The following COL25A1 variants were observed in gnomAD, a reference collection of about 807,000 sequenced individuals.
The protein encoded by COL25A1 is collagen type XXV alpha 1 chain, also known as collagen alpha-1(XXV) chain.
In COL25A1, 103 loss-of-function variants were observed where a neutral mutation model predicts 128.4. The ratio of observed to expected loss-of-function variants is 0.80; its 90% CI spans 0.68 to 0.94. The LOEUF is 0.94. Ranked by LOEUF, COL25A1 falls within the 40% of genes least tolerant of loss-of-function variation. The pLI is 0.00. For missense variants in COL25A1, 745 were observed against 840.0 expected, an observed-to-expected ratio of 0.89 and a Z score of 1.40; for synonymous variants, 279 against 277.2, an observed-to-expected ratio of 1.01 and a Z score of -0.06.
intron 3 of COL25A1, among the ~76,000 whole-genome samples, chr4:109,248,223 A>C (rs1301488362): frequency 1.3e-5 from 2 of 152,058 alleles, no homozygotes; most frequent in African/African-American, 4.8e-5. Flanking sequence ...TTTATTCTTC[A>C]CCTAGCTTAT....
chr4:109,282,800 T>A (rs1454896938), intron 3 of COL25A1, among the ~76,000 whole-genome samples: 2 of 152,174 alleles, frequency 1.3e-5, no homozygotes, highest in Non-Finnish European at 1.5e-5. Flanking sequence ...ATATATTAAG[T>A]TTGCTGTGTT....
At chr4:109,204,849 C>T (rs1776852593) in intron 3 of COL25A1, among the ~76,000 whole-genome samples, 1 of 152,148 alleles carries the variant, frequency 6.6e-6, no homozygotes, top group South Asian at 2.1e-4. Flanking sequence ...GGAAAATTCT[C>T]AATGGGAATT....
intron 18 of COL25A1, 75 bp from the exon 19 acceptor site, chr4:108,884,297 T>C: frequency 7.4e-7 from 1 of 1,347,974 alleles, no homozygotes; most frequent in Non-Finnish European, 1.1e-6. Context: ...ACATGGCAAA[T>C]GTTCCTGGCT....
intron 10 of COL25A1, among the ~76,000 whole-genome samples, chr4:108,940,149 A>G (rs1228125552): frequency 6.6e-6 from 1 of 152,138 alleles, no homozygotes; most frequent in Non-Finnish European, 1.5e-5. Flanking sequence ...TTAGTTTTTC[A>G]GACTAATCTC....
intron 3 of COL25A1, among the ~76,000 whole-genome samples, chr4:109,198,500 T>C (rs1354373622): frequency 2.0e-5 from 3 of 152,134 alleles, no homozygotes; most frequent in African/African-American, 7.2e-5. Flanking sequence ...TCCCTTAAAT[T>C]TACTGATAAC....
intron 6 of COL25A1, among the ~76,000 whole-genome samples, chr4:109,009,680 T>C (rs1756393123): frequency 1.3e-5 from 2 of 152,236 alleles, no homozygotes; most frequent in African/African-American, 4.8e-5. Flanking sequence ...AACTGCATTT[T>C]CTTCTCTATA....
intron 3 of COL25A1, among the ~76,000 whole-genome samples, chr4:109,282,053 GC>G (rs1212834809): frequency 6.6e-6 from 1 of 152,144 alleles, no homozygotes; most frequent in Non-Finnish European, 1.5e-5. Context: ...CATGCTGCAG[GC>G]AGCAGAAAAC....
intron 18 of COL25A1, among the ~76,000 whole-genome samples, chr4:108,886,476 G>T (rs1311833816): frequency 1.8e-4 from 22 of 123,314 alleles, no homozygotes; most frequent in East Asian, 1.1e-3. Context: ...GTGTGTGTGT[G>T]TGTGTGTGTG....
intron 19 of COL25A1, among the ~76,000 whole-genome samples, chr4:108,871,040 A>T (rs1738646870): frequency 6.6e-6 from 1 of 152,234 alleles, no homozygotes; most frequent in South Asian, 2.1e-4. Context: ...AGTTTATAAA[A>T]AGATGAACCA....
rs541224378 is a variant in COL25A1, at chr4:108,831,444, C to CT, written c.1710+935dup. On this transcript the variant is annotated intron_variant, in intron 32 of 37. Coordinates refer to ENST00000399132, the MANE Select transcript of COL25A1 (RefSeq NM_198721.4). The stretch of plus-strand genomic sequence containing the variant: ...TGTTAAAGAAATGACTACTGGCCCT[C>CT]TTTTTTTAAAGCAAATTATCTCAGA... Among the ~76,000 whole-genome samples, 11 of 152,184 alleles carry CT rather than the reference C, an allele frequency of 7.2e-5. No individual in the cohort carries two copies. The South Asian group carries it at 1.9e-3, about 26-fold the overall frequency.
chr4:108,816,518 T>C (rs1355936001), intron 37 of COL25A1, among the ~76,000 whole-genome samples: 1 of 152,194 alleles, frequency 6.6e-6, no homozygotes, highest in East Asian at 1.9e-4. Context: ...GCACAGCCTT[T>C]ATAATTAGAT....
chr4:109,094,926 T>C (rs552753699), intron 3 of COL25A1, among the ~76,000 whole-genome samples: 3 of 152,342 alleles, frequency 2.0e-5, no homozygotes, highest in South Asian at 4.1e-4. Flanking sequence ...CTTAAATATA[T>C]ACTAATCATG....
At chr4:108,896,363 T>C (rs995065279) in intron 16 of COL25A1, among the ~76,000 whole-genome samples, 14 of 152,132 alleles carry the variant, frequency 9.2e-5, no homozygotes, top group African/African-American at 2.9e-4. Context: ...GAGCGTCCCA[T>C]TTACACATGA....
intron 3 of COL25A1, among the ~76,000 whole-genome samples, chr4:109,235,642 C>G (rs1779421676): frequency 6.6e-6 from 1 of 151,964 alleles, no homozygotes; most frequent in Admixed American, 6.6e-5. Flanking sequence ...TAGCTGACCA[C>G]TAAATTCAAT....
intron 3 of COL25A1, among the ~76,000 whole-genome samples, chr4:109,068,952 AGTCAG>A (rs1346065899): frequency 6.6e-6 from 1 of 152,188 alleles, no homozygotes; most frequent in East Asian, 1.9e-4. Flanking sequence ...TGAAAGACAT[AGTCAG>A]GTCCTATAAG....
intron 3 of COL25A1, among the ~76,000 whole-genome samples, chr4:109,191,486 T>C (rs1227457499): frequency 6.6e-6 from 1 of 152,176 alleles, no homozygotes; most frequent in Non-Finnish European, 1.5e-5. Flanking sequence ...AGCAGCCCAC[T>C]GTTTCCAGCC....
chr4:109,065,530 G>GCA, intron 3 of COL25A1, among the ~76,000 whole-genome samples: 1 of 125,934 alleles, frequency 7.9e-6, no homozygotes, highest in Admixed American at 7.9e-5. Flanking sequence ...TTTTGGTGCA[G>GCA]CACGCGCGCG....
intron 3 of COL25A1, among the ~76,000 whole-genome samples, chr4:109,148,353 C>T (rs1318413825): frequency 6.6e-6 from 1 of 152,168 alleles, no homozygotes; most frequent in East Asian, 1.9e-4. Flanking sequence ...ACATAGTTTG[C>T]AATGAATTCC....
intron 8 of COL25A1, among the ~76,000 whole-genome samples, chr4:108,950,433 A>T (rs973402278): frequency 6.6e-6 from 1 of 152,140 alleles, no homozygotes. Flanking sequence ...AAAGATTCCC[A>T]TGCCCCATAG....
Sources: gnomAD v4.1 joint callset for allele counts (sites outside exome capture counted in the v4.1 genomes callset) on GRCh38, gnomAD v4.1.1 for gene constraint, MANE v1.5 for transcripts, NCBI Gene and HGNC (gene_info 2026-07-23, HGNC 2026-07-21) for gene names.